The following MAN1A1 variants were observed in gnomAD, a reference collection of about 807,000 sequenced individuals.
The protein encoded by MAN1A1 is mannosidase alpha class 1A member 1.
MAN1A1 carries 29 observed loss-of-function variants against 70.8 expected under a neutral mutation model. That is an observed-to-expected ratio of 0.41 (90% CI 0.31 to 0.56). The LOEUF is 0.56. Among genes scored for constraint, MAN1A1 ranks in the 20% least tolerant of loss-of-function variants. The probability of loss-of-function intolerance (pLI) is 0.29; values close to 1 mark genes in which losing one functional copy is unlikely to be tolerated. For synonymous variants in MAN1A1, 349 were observed against 330.1 expected, an observed-to-expected ratio of 1.06 and a Z score of -0.62; for missense variants, 747 against 841.3, an observed-to-expected ratio of 0.89 and a Z score of 1.39.
At chr6:119,198,382 TC>T (rs147805388) in intron 8 of MAN1A1, among the ~76,000 whole-genome samples, 7,079 of 152,188 alleles carry the variant, frequency 0.047, 209 homozygotes, top group East Asian at 0.082. Context: ...AGAGCGAGAC[TC>T]CCATCTCAAA....
intron 5 of MAN1A1, among the ~76,000 whole-genome samples, chr6:119,288,569 A>G (rs143056997): frequency 6.6e-6 from 1 of 151,958 alleles, no homozygotes. Flanking sequence ...GCATTCATCA[A>G]ATGAAAATCA....
At chr6:119,269,551 G>A (rs1562218760) in intron 5 of MAN1A1, 1 of 196,370 alleles carries the variant, frequency 5.1e-6, no homozygotes, top group Non-Finnish European at 1.1e-5. Flanking sequence ...GTGAAGGAAG[G>A]CCAGGTACTC....
chr6:119,329,935 A>G (rs1412329269), intron 2 of MAN1A1, among the ~76,000 whole-genome samples: 1 of 152,156 alleles, frequency 6.6e-6, no homozygotes, highest in Non-Finnish European at 1.5e-5. Context: ...GACTCTCAGC[A>G]GCATTTGACA....
At chr6:119,190,548 G>C (rs1359061939) in intron 9 of MAN1A1, among the ~76,000 whole-genome samples, 1 of 152,198 alleles carries the variant, frequency 6.6e-6, no homozygotes, top group Non-Finnish European at 1.5e-5. Flanking sequence ...AGTCACTAAT[G>C]CAAGTGGCAC....
chr6:119,224,034 CA>C (rs1306985340), intron 6 of MAN1A1, among the ~76,000 whole-genome samples: 1 of 152,072 alleles, frequency 6.6e-6, no homozygotes, highest in African/African-American at 2.4e-5. Flanking sequence ...TGGCACAGGA[CA>C]GAGTTAAAGG....
In MAN1A1 at chr6:119,349,163, A is replaced by C; in HGVS notation, c.-98T>G. On this transcript the variant is annotated 5_prime_UTR_variant, in exon 2 of 13. Coordinates refer to ENST00000368468, the MANE Select transcript of MAN1A1 (RefSeq NM_005907.4). ...CTGCGGGGCTGGGTCCTGCGTAGCCAGGCCGCCCGACCCCCTCGGCTGGGC... is the reference window on the plus strand; with the variant it reads ...CTGCGGGGCTGGGTCCTGCGTAGCCCGGCCGCCCGACCCCCTCGGCTGGGC... The C allele has an allele frequency of 8.1e-7, 1 of 1,230,748 alleles. No individual in the cohort carries two copies. The highest frequency in any genetic ancestry group is 3.8e-5 in the South Asian group (1 of 26,648). 76.2% of individuals were successfully genotyped at this position (1,230,748 alleles called of 1,614,324 possible).
chr6:119,290,627 A>C (rs1776510489), intron 5 of MAN1A1, 56 bp downstream of exon 5: 1 of 1,259,738 alleles, frequency 7.9e-7, no homozygotes, highest in African/African-American at 1.5e-5. Flanking sequence ...TATTTTACCA[A>C]AAATGTAGTT....
chr6:119,288,569 A>C (rs143056997), intron 5 of MAN1A1, among the ~76,000 whole-genome samples: 2 of 152,076 alleles, frequency 1.3e-5, no homozygotes, highest in Non-Finnish European at 1.5e-5. Flanking sequence ...GCATTCATCA[A>C]ATGAAAATCA....
chr6:119,282,510 T>C (rs993906756), intron 5 of MAN1A1, among the ~76,000 whole-genome samples: 26 of 152,200 alleles, frequency 1.7e-4, no homozygotes, highest in African/African-American at 6.0e-4. Context: ...GAATAGTCAA[T>C]GTGTAACAGC....
At position 119,225,053 on chromosome 6, in the gene MAN1A1, G is replaced by A. The variant is rs541493966; in HGVS notation, c.993-20171C>T. 1.1e-3 allele frequency among the ~76,000 whole-genome samples: 170 copies of A among 152,140 alleles called. 1 individual carries two copies. Among genetic ancestry groups the A allele is most frequent in the African/African-American group, 3.8e-3 (159 of 41,516 alleles). On this transcript the variant is annotated intron_variant, in intron 6 of 12. Coordinates refer to ENST00000368468, the MANE Select transcript of MAN1A1 (RefSeq NM_005907.4). Reference sequence around the variant, plus strand: ...GAGGCAGGAGAACTGCTTGAACCCGGGAGGCAGAGGTTGCAGGGAGGCAGA... The same window carrying A: ...GAGGCAGGAGAACTGCTTGAACCCGAGAGGCAGAGGTTGCAGGGAGGCAGA...
chr6:119,290,479 C>T (rs773647248), intron 5 of MAN1A1, among the ~76,000 whole-genome samples: 9 of 151,942 alleles, frequency 5.9e-5, no homozygotes, highest in Non-Finnish European at 1.2e-4. Flanking sequence ...CTTAACATTC[C>T]CTGACAATAT....
At chr6:119,291,085 C>T (rs1776529269) in intron 4 of MAN1A1, among the ~76,000 whole-genome samples, 1 of 151,986 alleles carries the variant, frequency 6.6e-6, no homozygotes, top group Admixed American at 6.6e-5. Context: ...TTGTAGCTCA[C>T]ATAATTCACA....
intron 5 of MAN1A1, among the ~76,000 whole-genome samples, chr6:119,264,711 C>T (rs188192700): frequency 6.6e-6 from 1 of 152,232 alleles, no homozygotes; most frequent in East Asian, 1.9e-4. Flanking sequence ...TACTTTACAC[C>T]ACATTGAGAA....
At chr6:119,218,018 T>G (rs978012312) in intron 6 of MAN1A1, among the ~76,000 whole-genome samples, 3 of 152,176 alleles carry the variant, frequency 2.0e-5, no homozygotes, top group African/African-American at 7.2e-5. Context: ...CAATCCTCTA[T>G]TGACAAACAG....
chr6:119,325,526 A>C (rs928348879), intron 2 of MAN1A1, among the ~76,000 whole-genome samples: 1 of 152,036 alleles, frequency 6.6e-6, no homozygotes, highest in Non-Finnish European at 1.5e-5. Flanking sequence ...GTGTGGTGGC[A>C]TGCACCTGTA....
At chr6:119,210,021 T>A (rs1773998227) in intron 6 of MAN1A1, among the ~76,000 whole-genome samples, 1 of 152,188 alleles carries the variant, frequency 6.6e-6, no homozygotes, top group Non-Finnish European at 1.5e-5. Flanking sequence ...TCTTGCTCCA[T>A]CTCATCACGG....
chr6:119,331,428 C>A (rs935324941), intron 2 of MAN1A1, among the ~76,000 whole-genome samples: 3 of 151,796 alleles, frequency 2.0e-5, no homozygotes, highest in Non-Finnish European at 4.4e-5. Context: ...ATAAAGGAAG[C>A]AAATTTAGAT....
intron 6 of MAN1A1, among the ~76,000 whole-genome samples, chr6:119,223,215 A>G (rs953297907): frequency 6.6e-6 from 1 of 152,146 alleles, no homozygotes; most frequent in Non-Finnish European, 1.5e-5. Flanking sequence ...AAACTAAATA[A>G]ACTAAAGCTC....
chr6:119,218,836 C>A (rs769176604), intron 6 of MAN1A1, among the ~76,000 whole-genome samples: 1 of 152,118 alleles, frequency 6.6e-6, no homozygotes, highest in Non-Finnish European at 1.5e-5. Context: ...TGGCAACCAG[C>A]AACCTTGAAC....
Sources: allele counts gnomAD v4.1 joint callset (sites outside exome capture counted in the v4.1 genomes callset), GRCh38; gene constraint gnomAD v4.1.1; transcripts MANE v1.5; gene names NCBI Gene and HGNC (gene_info 2026-07-23, HGNC 2026-07-21).